LRRC3: variants seen among roughly 807,000 people sequenced by gnomAD.
The protein encoded by LRRC3 is leucine-rich repeat-containing protein 3.
For synonymous variants in LRRC3, 172 were observed against 164.1 expected, an observed-to-expected ratio of 1.05 and a Z score of -0.37; for missense variants, 351 against 361.6, an observed-to-expected ratio of 0.97 and a Z score of 0.24.
In LRRC3 at chr21:44,457,759, T is replaced by A. The variant is rs1601289454; in HGVS notation, c.*341T>A. Reference sequence around the variant, plus strand: ...GGCCCTGCAGGCTGTGGATATGCACTCAGAGGACTAAGGGGGTGCTCTGCA... The same window carrying A: ...GGCCCTGCAGGCTGTGGATATGCACACAGAGGACTAAGGGGGTGCTCTGCA... On this transcript the variant is annotated 3_prime_UTR_variant, in exon 2 of 2. Transcript: ENST00000291592. 1.5e-5 allele frequency: 5 copies of A among 343,240 alleles called. No individual in the cohort carries two copies. In the East Asian group the frequency reaches 3.4e-4, roughly 23 times the overall value. 21.3% of individuals were successfully genotyped at this position (343,240 alleles called of 1,614,324 possible).
chr21:44,457,493 C>G lies in LRRC3; in HGVS notation c.*75C>G. On this transcript the variant is annotated 3_prime_UTR_variant, in exon 2 of 2. Coordinates refer to ENST00000291592, the MANE Select transcript of LRRC3 (RefSeq NM_030891.6). Reference sequence around the variant, plus strand: ...GGTGGTGACTGATGCTGCTTTTGCTCTTCCCTGAGGCAGGTGTCACAGCCA... The same window carrying G: ...GGTGGTGACTGATGCTGCTTTTGCTGTTCCCTGAGGCAGGTGTCACAGCCA... The G allele has an allele frequency of 1.4e-6, 2 of 1,473,482 alleles. No homozygotes were observed. The highest frequency in any genetic ancestry group is 2.2e-5 in the Admixed American group (1 of 44,990). The allele number at this position is 1,473,482 out of a possible 1,614,324, so 91.3% of individuals were successfully genotyped here.
Position 44,459,761 on chromosome 21 carries a change from G to A in LRRC3, c.*2343G>A, listed in dbSNP as rs2051731748. On this transcript the variant is annotated 3_prime_UTR_variant, in exon 2 of 2. Coordinates refer to ENST00000291592, the MANE Select transcript of LRRC3 (RefSeq NM_030891.6). ...GGCCCTTCAGGAGGTGCACAGGGCA[G>A]GGGCAGGCCCGTCCCTCCCTGCCCC... 1 of 152,220 alleles carries A rather than the reference G, an allele frequency of 6.6e-6. No individual in the cohort carries two copies. The allele number at this position is 152,220 out of a possible 1,614,324, so 9.4% of individuals were successfully genotyped here.
chr21:44,456,626 G>C lies in LRRC3; in HGVS notation c.-19G>C. On this transcript the variant is annotated 5_prime_UTR_variant, in exon 2 of 2. Transcript: ENST00000291592. ...CCCTAGCAGAGGCTCGCGTGTCCCC[G>C]TCCCCAGGTCAGGTCAGGATGGGCA... 1 of 1,560,378 alleles carries C rather than the reference G, an allele frequency of 6.4e-7. No individual in the cohort carries two copies. Among genetic ancestry groups the C allele is most frequent in the Non-Finnish European group, 8.7e-7 (1 of 1,152,674 alleles).
Position 44,456,915 on chromosome 21 carries a change from A to C in LRRC3, c.271A>C (p.Arg91=), listed in dbSNP as rs1226959297. The C allele has an allele frequency of 1.2e-6, 2 of 1,611,156 alleles. No individual in the cohort carries two copies. The highest frequency in any genetic ancestry group is 2.7e-5 in the African/African-American group (2 of 74,930). ...DGAFQHLHRL[R]ELDLSHNAIE... is the part of the protein sequence containing the mutation. Reference sequence around the variant, plus strand: ...GGCCTTCCAGCACCTGCACCGGCTCAGGGAGCTGGATCTGTCTCACAACGC... The same window carrying C: ...GGCCTTCCAGCACCTGCACCGGCTCCGGGAGCTGGATCTGTCTCACAACGC... The change falls in exon 2 of 2, where the codon AGG becomes CGG. Residue 91 remains arginine (R), a synonymous_variant. Coordinates refer to ENST00000291592, the MANE Select transcript of LRRC3 (RefSeq NM_030891.6).
chr21:44,456,618 G>C lies in LRRC3; in HGVS notation c.-27G>C, dbSNP rs770807010. On this transcript the variant is annotated 5_prime_UTR_variant, in exon 2 of 2. Coordinates refer to ENST00000291592, the MANE Select transcript of LRRC3 (RefSeq NM_030891.6). The stretch of plus-strand genomic sequence containing the variant: ...TCCCCAGGCCCTAGCAGAGGCTCGC[G>C]TGTCCCCGTCCCCAGGTCAGGTCAG... 7 of 1,551,734 alleles carry C rather than the reference G, an allele frequency of 4.5e-6. No homozygotes were observed. Among genetic ancestry groups the C allele is most frequent in the Admixed American group, 3.6e-5 (2 of 54,898 alleles).
rs540659107 is a variant in LRRC3 at position 44,456,673 on chromosome 21, C to T, written c.29C>T (p.Ser10Leu). The T allele has an allele frequency of 8.1e-6, 13 of 1,603,854 alleles. No individual in the cohort carries two copies. The highest frequency in any genetic ancestry group is 1.7e-5 in the Admixed American group (1 of 59,746). Residue 10 changes from serine (S) to leucine (L), a missense_variant, in exon 2 of 2, where the codon TCG (serine) becomes TTG (leucine). Ser to Leu is a moderately radical substitution (Grantham distance 145). Transcript: ENST00000291592. MGTVRPPRP[S>L]LLLVSTRESC... is the part of the protein sequence containing the mutation. ...GGCACCGTGCGCCCACCTCGCCCCTCGCTCCTGCTGGTCTCCACCCGGGAG... is the reference window on the plus strand; with the variant it reads ...GGCACCGTGCGCCCACCTCGCCCCTTGCTCCTGCTGGTCTCCACCCGGGAG...
Position 44,457,217 on chromosome 21 carries a change from G to T in LRRC3, c.573G>T (p.Ala191=). 1 of 1,613,954 alleles carries T rather than the reference G, an allele frequency of 6.2e-7. No homozygotes were observed. Among genetic ancestry groups the T allele is most frequent in the African/African-American group, 1.3e-5 (1 of 75,062 alleles). The change falls in exon 2 of 2, where the codon GCG becomes GCT. Residue 191 remains alanine, a synonymous_variant. Coordinates refer to ENST00000291592, the MANE Select transcript of LRRC3 (RefSeq NM_030891.6). ...AGCCTCTGGTTCAGGCTCTGGATGC[G>T]GGTGCCAGCCTCTGCAGCGTCCCCC... ...VGKPLVQALD[A]GASLCSVPHR...
chr21:44,455,905 A>T (rs1187992873), intron 1 of LRRC3, among the ~76,000 whole-genome samples: 1 of 151,884 alleles, frequency 6.6e-6, no homozygotes, highest in Non-Finnish European at 1.5e-5. Context: ...TTCTTCAGGC[A>T]GTTGAAAGAA....
Position 44,456,698 on chromosome 21 carries a change from G to T in LRRC3, c.54G>T (p.Glu18Asp). 1.2e-6 allele frequency: 2 copies of T among 1,609,430 alleles called. No individual in the cohort carries two copies. The highest frequency in any genetic ancestry group is 1.7e-6 in the Non-Finnish European group (2 of 1,179,534). ...RPSLLLVSTRESCLFLLFCLH... is the reference protein window; with the variant it reads ...RPSLLLVSTRDSCLFLLFCLH... ...CGCTCCTGCTGGTCTCCACCCGGGA[G>T]TCTTGTCTCTTCCTCCTCTTCTGCC... Residue 18 changes from glutamate (E) to aspartate (D), a missense_variant, in exon 2 of 2, where the codon GAG becomes GAT. Physicochemically the swap from Glu to Asp is conservative, Grantham distance 45. Transcript: ENST00000291592.
Position 44,456,903 on chromosome 21 carries a change from C to A in LRRC3, c.259C>A (p.Leu87Met). ...SHLPDGAFQH[L>M]HRLRELDLSH... ...CCTCCCGGACGGGGCCTTCCAGCAC[C>A]TGCACCGGCTCAGGGAGCTGGATCT... Residue 87 changes from leucine to methionine, a missense_variant, in exon 2 of 2, where the codon CTG becomes ATG. Physicochemically the swap from Leu to Met is conservative, Grantham distance 15. Transcript: ENST00000291592. 1 of 1,611,044 alleles carries A rather than the reference C, an allele frequency of 6.2e-7. No homozygotes were observed. Among genetic ancestry groups the A allele is most frequent in the Non-Finnish European group, 8.5e-7 (1 of 1,179,178 alleles).
Position 44,461,843 on chromosome 21 carries a change from A to C in LRRC3, c.*4425A>C, listed in dbSNP as rs921100697. 1 of 152,470 alleles carries C rather than the reference A, an allele frequency of 6.6e-6. No homozygotes were observed. The highest frequency in any genetic ancestry group is 1.9e-4 in the East Asian group (1 of 5,206). The allele number at this position is 152,470 out of a possible 1,614,324, so 9.4% of individuals were successfully genotyped here. ...TGAGCAGGTGTGGTCCATGGCTGGG[A>C]GGCAGCTGGCCCCACAGCACATAGC... On this transcript the variant is annotated 3_prime_UTR_variant, in exon 2 of 2. Transcript: ENST00000291592.
chr21:44,456,677 C>T lies in LRRC3; in HGVS notation c.33C>T (p.Leu11=), dbSNP rs757875831. 1.4e-5 allele frequency: 23 copies of T among 1,605,846 alleles called. No individual in the cohort carries two copies. Among genetic ancestry groups the T allele is most frequent in the East Asian group, 2.2e-5 (1 of 44,714 alleles). The change falls in exon 2 of 2, where the codon CTC becomes CTT. Residue 11 remains leucine, a synonymous_variant. Coordinates refer to ENST00000291592, the MANE Select transcript of LRRC3 (RefSeq NM_030891.6). MGTVRPPRPS[L]LLVSTRESCL... Reference sequence around the variant, plus strand: ...CCGTGCGCCCACCTCGCCCCTCGCTCCTGCTGGTCTCCACCCGGGAGTCTT... The same window carrying T: ...CCGTGCGCCCACCTCGCCCCTCGCTTCTGCTGGTCTCCACCCGGGAGTCTT...
In LRRC3 at chr21:44,459,320, C is replaced by T. The variant is rs1410784863; in HGVS notation, c.*1902C>T. On this transcript the variant is annotated 3_prime_UTR_variant, in exon 2 of 2. Coordinates refer to ENST00000291592, the MANE Select transcript of LRRC3 (RefSeq NM_030891.6). ...AGTGGGCGCTGACACAGCAGAGTGC[C>T]CTGGGCCCGTGGGGATTTCCTTCCA... is the stretch of plus-strand genomic sequence containing the variant. 2 of 152,332 alleles carry T rather than the reference C, an allele frequency of 1.3e-5. No homozygotes were observed. The allele number at this position is 152,332 out of a possible 1,614,324, so 9.4% of individuals were successfully genotyped here.
rs2051722115 is a variant in LRRC3, at chr21:44,458,367, T to G, written c.*949T>G. On this transcript the variant is annotated 3_prime_UTR_variant, in exon 2 of 2. Transcript: ENST00000291592. ...TTAGTAGAGACCGGGTTTCACCATG[T>G]TGGCCAGGCTGGTCTCGAACTGTTG... The G allele has an allele frequency of 1.2e-5, 2 of 162,458 alleles. No individual in the cohort carries two copies. Among genetic ancestry groups the G allele is most frequent in the Admixed American group, 1.3e-4 (2 of 15,288 alleles). 10.1% of individuals were successfully genotyped at this position (162,458 alleles called of 1,614,324 possible). A position where few individuals can be genotyped will look rare whatever the true frequency, so the allele number is the denominator to read the frequency against.
At chr21:44,456,097 A>G (rs1312132204) in intron 1 of LRRC3, among the ~76,000 whole-genome samples, 1 of 152,060 alleles carries the variant, frequency 6.6e-6, no homozygotes, top group East Asian at 1.9e-4. Flanking sequence ...CCCGCGCTCC[A>G]GGTTCGGGAG....
rs115206214 is a variant in LRRC3 at position 44,456,887 on chromosome 21, C to G, written c.243C>G (p.Asp81Glu). ...LDANKISHLP[D>E]GAFQHLHRLR... ...CCAACAAGATCTCCCACCTCCCGGA[C>G]GGGGCCTTCCAGCACCTGCACCGGC... Residue 81 changes from aspartate to glutamate, a missense_variant, in exon 2 of 2, where the codon GAC (aspartate) becomes GAG (glutamate). Asp to Glu is a conservative substitution (Grantham distance 45, BLOSUM62 2). Transcript: ENST00000291592. The G allele has an allele frequency of 6.2e-7, 1 of 1,610,366 alleles. No homozygotes were observed. The highest frequency in any genetic ancestry group is 8.5e-7 in the Non-Finnish European group (1 of 1,178,408).
At position 44,457,546 on chromosome 21, in the gene LRRC3, C is replaced by A; in HGVS notation, c.*128C>A. On this transcript the variant is annotated 3_prime_UTR_variant, in exon 2 of 2. Transcript: ENST00000291592. Reference sequence around the variant, plus strand: ...TGTGCTCCCCACTGTTGCACTCAGGCACAGCAGCACCTCCAGGCTGGGTGG... The same window carrying A: ...TGTGCTCCCCACTGTTGCACTCAGGAACAGCAGCACCTCCAGGCTGGGTGG... 1.9e-6 allele frequency: 2 copies of A among 1,067,800 alleles called. No homozygotes were observed. Among genetic ancestry groups the A allele is most frequent in the Non-Finnish European group, 2.7e-6 (2 of 753,056 alleles). 66.1% of individuals were successfully genotyped at this position (1,067,800 alleles called of 1,614,324 possible). A position where few individuals can be genotyped will look rare whatever the true frequency, so the allele number is the denominator to read the frequency against.
rs563172342 is a variant in LRRC3 at position 44,462,099 on chromosome 21, A to G, written c.*4681A>G. 6.6e-6 allele frequency: 1 copy of G among 152,396 alleles called. No homozygotes were observed. The highest frequency in any genetic ancestry group is 2.4e-5 in the African/African-American group (1 of 41,572). 9.4% of individuals were successfully genotyped at this position (152,396 alleles called of 1,614,324 possible). On this transcript the variant is annotated 3_prime_UTR_variant, in exon 2 of 2. Transcript: ENST00000291592. The surrounding 1 kb of genome is among the most constrained non-coding windows in gnomAD (Gnocchi z 4.2). ...TGTGTAACCTGGAGAGGCAGGTGTG[A>G]GCGGGCCATGCTGCTGGCCCAGCCT...
At position 44,457,270 on chromosome 21, in the gene LRRC3, TCAC is replaced by T; in HGVS notation, c.629_631del (p.Thr210del). On this transcript the variant is annotated inframe_deletion, in exon 2 of 2. Coordinates refer to ENST00000291592, the MANE Select transcript of LRRC3 (RefSeq NM_030891.6). ...AGGACCACAGACGTGGCCATGCTGGTCACCATGTTCGGCTGGTTCGCCATGGTG... is the reference window on the plus strand; with the variant it reads ...AGGACCACAGACGTGGCCATGCTGGTCATGTTCGGCTGGTTCGCCATGGTG... 6.2e-7 allele frequency: 1 copy of T among 1,613,860 alleles called. No homozygotes were observed. Among genetic ancestry groups the T allele is most frequent in the Non-Finnish European group, 8.5e-7 (1 of 1,180,010 alleles).
Sources: allele counts gnomAD v4.1 joint callset (sites outside exome capture counted in the v4.1 genomes callset), GRCh38; gene constraint gnomAD v4.1.1; non-coding constraint Gnocchi (gnomAD v3.1); transcripts MANE v1.5; gene names NCBI Gene and HGNC (gene_info 2026-07-23, HGNC 2026-07-21).